EPHB1: variants seen among roughly 807,000 people sequenced by gnomAD.
The protein encoded by EPHB1 is EPH receptor B1, also known as ephrin type-B receptor 1.
EPHB1 carries 30 observed loss-of-function variants against 94.4 expected under a neutral mutation model. The observed-to-expected ratio is 0.32, with a 90% CI of 0.24 to 0.43. EPHB1 has a LOEUF of 0.43. Ranked by LOEUF, EPHB1 falls within the 20% of genes least tolerant of loss-of-function variation. EPHB1 has a pLI of 1.00. For synonymous variants in EPHB1, 522 were observed against 489.1 expected, an observed-to-expected ratio of 1.07 and a Z score of -0.89; for missense variants, 1,055 against 1,308.3, an observed-to-expected ratio of 0.81 and a Z score of 2.99.
At position 134,883,771 on chromosome 3, in the gene EPHB1, G is replaced by A. The variant is rs564122868; in HGVS notation, c.59-42045G>A. ...CTGAGTAACCTGTGGTTATCATGGA[G>A]GCTCTGTAGCAGTTCCCAGTGAGGC... On this transcript the variant is annotated intron_variant, in intron 1 of 15. Transcript: ENST00000398015. 6.6e-5 allele frequency among the ~76,000 whole-genome samples: 10 copies of A among 152,308 alleles called. No homozygotes were observed. The South Asian group carries it at 2.1e-3, about 32-fold the overall frequency.
intron 12 of EPHB1, among the ~76,000 whole-genome samples, chr3:135,207,800 A>G (rs965149316): frequency 3.3e-5 from 5 of 152,102 alleles, no homozygotes; most frequent in Non-Finnish European, 7.4e-5. Flanking sequence ...CTAACTAGGG[A>G]TGGTTGGATT....
intron 12 of EPHB1, among the ~76,000 whole-genome samples, chr3:135,228,495 C>A (rs941450085): frequency 3.3e-5 from 5 of 152,108 alleles, no homozygotes; most frequent in African/African-American, 1.2e-4. Flanking sequence ...ACGAGATTTG[C>A]CCATTTTCAC....
chr3:135,112,888 G>C (rs1482825919), intron 4 of EPHB1, among the ~76,000 whole-genome samples: 1 of 152,084 alleles, frequency 6.6e-6, no homozygotes, highest in African/African-American at 2.4e-5. Flanking sequence ...GGTTAATCTA[G>C]GGCTTGCAAA....
chr3:135,246,761 A>G (rs1178303510), intron 13 of EPHB1, among the ~76,000 whole-genome samples: 1 of 152,086 alleles, frequency 6.6e-6, no homozygotes, highest in Admixed American at 6.5e-5. Context: ...AAAAGTGAGT[A>G]CTCCCAGTCA....
chr3:134,796,566 G>A (rs1294264779), intron 1 of EPHB1, among the ~76,000 whole-genome samples: 1 of 152,240 alleles, frequency 6.6e-6, no homozygotes, highest in East Asian at 1.9e-4. Context: ...GGCGCAGCGG[G>A]GAGCCTGGGC....
intron 4 of EPHB1, among the ~76,000 whole-genome samples, chr3:135,128,848 G>A (rs901422428): frequency 2.0e-5 from 3 of 152,050 alleles, no homozygotes; most frequent in African/African-American, 7.2e-5. Context: ...TTGTGGCCCA[G>A]ATTCTGTTCA....
At chr3:134,889,869 AG>A (rs1407386104) in intron 1 of EPHB1, among the ~76,000 whole-genome samples, 1 of 151,392 alleles carries the variant, frequency 6.6e-6, no homozygotes, top group Non-Finnish European at 1.5e-5. Flanking sequence ...TAGTAGAGAC[AG>A]GGTTTCACCG....
intron 4 of EPHB1, among the ~76,000 whole-genome samples, chr3:135,113,434 A>G (rs1939545905): frequency 6.6e-6 from 1 of 152,200 alleles, no homozygotes; most frequent in Admixed American, 6.5e-5. Flanking sequence ...AGAATTTCAC[A>G]AGAGCATTTG....
chr3:135,210,461 C>T (rs1255746342), intron 12 of EPHB1, among the ~76,000 whole-genome samples: 1 of 152,158 alleles, frequency 6.6e-6, no homozygotes, highest in African/African-American at 2.4e-5. Flanking sequence ...TGCAAATGTA[C>T]TTCATTTGGG....
chr3:134,954,552 G>A (rs9825380), intron 3 of EPHB1, among the ~76,000 whole-genome samples: 1 of 151,854 alleles, frequency 6.6e-6, no homozygotes, highest in Non-Finnish European at 1.5e-5. Flanking sequence ...CTTCAACAAC[G>A]AACTCTCTCC....
At chr3:134,941,597 C>T (rs1489082102) in intron 2 of EPHB1, among the ~76,000 whole-genome samples, 2 of 152,206 alleles carry the variant, frequency 1.3e-5, no homozygotes, top group Non-Finnish European at 2.9e-5. Context: ...TTCAAATCCA[C>T]TCTTGGGGCA....
intron 1 of EPHB1, among the ~76,000 whole-genome samples, chr3:134,900,540 G>A (rs1382384763): frequency 6.6e-6 from 1 of 152,122 alleles, no homozygotes; most frequent in Non-Finnish European, 1.5e-5. Context: ...TGGACTTCAG[G>A]CCTCCAGGAT....
Position 135,135,067 on chromosome 3 carries a change from C to A in EPHB1, c.1297+2018C>A, listed in dbSNP as rs574336662. 5.3e-5 allele frequency among the ~76,000 whole-genome samples: 8 copies of A among 152,288 alleles called. No individual in the cohort carries two copies. In the South Asian group the frequency reaches 1.7e-3, roughly 32 times the overall value. ...ACCCTTTTGCACCTCCATGAGCACACTTCTCATGTGCTTTGTTCCCCCTCT... is the reference window on the plus strand; with the variant it reads ...ACCCTTTTGCACCTCCATGAGCACAATTCTCATGTGCTTTGTTCCCCCTCT... On this transcript the variant is annotated intron_variant, in intron 5 of 15. Transcript: ENST00000398015.
At chr3:134,936,571 G>GCC (rs796214416) in intron 2 of EPHB1, among the ~76,000 whole-genome samples, 92 of 151,468 alleles carry the variant, frequency 6.1e-4, no homozygotes, top group African/African-American at 2.1e-3. Flanking sequence ...GGCTGAACGC[G>GCC]CCCCCCCCTC....
At chr3:135,216,386 G>A (rs1943148793) in intron 12 of EPHB1, among the ~76,000 whole-genome samples, 2 of 152,104 alleles carry the variant, frequency 1.3e-5, no homozygotes, top group South Asian at 4.1e-4. Context: ...TGGAGATCCT[G>A]AGGATTGGTA....
intron 3 of EPHB1, among the ~76,000 whole-genome samples, chr3:135,039,710 C>T (rs1257507344): frequency 6.6e-6 from 1 of 152,246 alleles, no homozygotes; most frequent in Non-Finnish European, 1.5e-5. Flanking sequence ...GCAGGGCTGG[C>T]TGGCTGCTTC....
intron 1 of EPHB1, among the ~76,000 whole-genome samples, chr3:134,893,748 T>TTCCATG (rs2038032499): frequency 6.6e-6 from 1 of 152,242 alleles, no homozygotes; most frequent in Admixed American, 6.5e-5. Context: ...GCATATGCTG[T>TTCCATG]CGTATTGTGT....
intron 4 of EPHB1, among the ~76,000 whole-genome samples, chr3:135,108,141 G>A (rs368065525): frequency 2.0e-5 from 3 of 152,084 alleles, no homozygotes; most frequent in African/African-American, 7.2e-5. Flanking sequence ...AACCCCTCAG[G>A]TGCACCTGGA....
chr3:135,235,160 C>G (rs532089313), intron 12 of EPHB1, among the ~76,000 whole-genome samples: 9 of 152,276 alleles, frequency 5.9e-5, no homozygotes, highest in African/African-American at 2.2e-4. Context: ...TTTGAATGTG[C>G]TTCAGGTGAT....
Sources: gnomAD v4.1 joint callset for allele counts (sites outside exome capture counted in the v4.1 genomes callset) on GRCh38, gnomAD v4.1.1 for gene constraint, MANE v1.5 for transcripts, NCBI Gene and HGNC (gene_info 2026-07-23, HGNC 2026-07-21) for gene names.